ACOT9: variants seen among roughly 807,000 people sequenced by gnomAD.
ACOT9 encodes the protein acyl-coenzyme A thioesterase 9, mitochondrial.
Under a neutral mutation model 39.7 loss-of-function variants are expected in ACOT9, and 34 were observed. That is an observed-to-expected ratio of 0.86 (90% CI 0.65 to 1.14). The LOEUF (loss-of-function observed/expected upper bound fraction) is 1.14. ACOT9 is among the 50% of genes most tolerant of loss of function. The pLI is 0.00. For synonymous variants in ACOT9, 110 were observed against 120.5 expected, an observed-to-expected ratio of 0.91 and a Z score of 0.57; for missense variants, 313 against 344.1, an observed-to-expected ratio of 0.91 and a Z score of 0.71.
rs1929368666 is a variant in ACOT9 at position 23,722,834 on chromosome X, TG to T, written c.401-82del. The T allele has an allele frequency of 1.3e-5, 8 of 608,665 alleles. No homozygotes were observed. The East Asian group carries it at 2.8e-4, about 21-fold the overall frequency. The allele number at this position is 608,665 out of a possible 1,213,427, so 50.2% of individuals were successfully genotyped here. ...TTTAAAATTTCCTCCCTGAGATCCA[TG>T]AAAAGCCTTGTCTCGCTTGGAAGAT... On this transcript the variant is annotated intron_variant, in intron 6 of 15. Transcript: ENST00000379303.
Position 23,733,310 on chromosome X carries a change from T to C in ACOT9, c.146-93A>G, listed in dbSNP as rs1929822882. 14 of 763,463 alleles carry C rather than the reference T, an allele frequency of 1.8e-5. No individual in the cohort carries two copies. The South Asian group carries it at 1.9e-4, about 10-fold the overall frequency. 62.9% of individuals were successfully genotyped at this position (763,463 alleles called of 1,213,427 possible). A position where few individuals can be genotyped will look rare whatever the true frequency, so the allele number is the denominator to read the frequency against. On this transcript the variant is annotated intron_variant, in intron 3 of 15. Coordinates refer to ENST00000379303, the MANE Select transcript of ACOT9 (RefSeq NM_001037171.2). The stretch of plus-strand genomic sequence containing the variant: ...CTCAAGAACTACAAAAAGCAATTCA[T>C]GCACTCAAAAGATTTAAAGATCCAT...
At chrX:23,723,002 C>T (rs749565367) in intron 6 of ACOT9, among the ~76,000 whole-genome samples, 4 of 111,501 alleles carry the variant, frequency 3.6e-5, no homozygotes, top group African/African-American at 1.3e-4. Flanking sequence ...CAAGCCCAGA[C>T]CCACCAGACA....
At chrX:23,736,082 C>T (rs1340579601) in intron 1 of ACOT9, 66 bp from the exon 2 acceptor site, 2 of 923,711 alleles carry the variant, frequency 2.2e-6, no homozygotes, top group East Asian at 3.2e-5. Context: ...TAAAGACCTA[C>T]CCTCCTCCCA....
chrX:23,738,716 AC>A (rs1930030058), intron 1 of ACOT9, among the ~76,000 whole-genome samples: 2 of 111,419 alleles, frequency 1.8e-5, no homozygotes, highest in African/African-American at 6.5e-5. Flanking sequence ...AAAAATCATG[AC>A]CCCCAACACA....
Position 23,721,880 on chromosome X carries a change from C to A in ACOT9, c.588+1G>T, listed in dbSNP as rs200606078. On this transcript the variant is annotated splice_donor_variant, in intron 8 of 15. Coordinates refer to ENST00000379303, the MANE Select transcript of ACOT9 (RefSeq NM_001037171.2). LOFTEE classifies it high-confidence loss of function. ...TGGACAATCTTCAGGCGCATATTTA[C>A]CTGGAACATTTGCATCTTCACTTCC... 1 of 1,201,874 alleles carries A rather than the reference C, an allele frequency of 8.3e-7. No individual in the cohort carries two copies. Among genetic ancestry groups the A allele is most frequent in the East Asian group, 3.0e-5 (1 of 33,700 alleles).
intron 1 of ACOT9, among the ~76,000 whole-genome samples, chrX:23,739,730 G>A (rs1438953951): frequency 9.0e-6 from 1 of 110,638 alleles, no homozygotes; most frequent in African/African-American, 3.3e-5. Flanking sequence ...CGGGGAGGTC[G>A]AGGCTGCAGT....
At chrX:23,711,183 A>G (rs73626550) in intron 9 of ACOT9, among the ~76,000 whole-genome samples, 1,905 of 109,269 alleles carry the variant, frequency 0.017, 40 homozygotes, top group African/African-American at 0.059. Flanking sequence ...TTAGCCAAGC[A>G]TAATGGGGCA....
chrX:23,738,618 A>T (rs1930025032), intron 1 of ACOT9, among the ~76,000 whole-genome samples: 1 of 111,421 alleles, frequency 9.0e-6, no homozygotes, highest in Non-Finnish European at 1.9e-5. Flanking sequence ...AAAAGAAACT[A>T]GCATTCTACA....
chrX:23,711,626 A>G (rs1005248765), intron 9 of ACOT9, among the ~76,000 whole-genome samples: 1 of 112,153 alleles, frequency 8.9e-6, no homozygotes, highest in Non-Finnish European at 1.9e-5. Flanking sequence ...TCAGCAGTGG[A>G]CATTGAAAGC....
chrX:23,704,960 A>G (rs1928625180), intron 14 of ACOT9, 33 bp downstream of exon 14: 1 of 1,187,958 alleles, frequency 8.4e-7, no homozygotes, highest in Non-Finnish European at 1.1e-6. Context: ...ATGAAAAAAA[A>G]AAGTTGTATG....
Position 23,743,177 on chromosome X carries a change from C to T in ACOT9, c.-33G>A. 2 of 1,146,809 alleles carry T rather than the reference C, an allele frequency of 1.7e-6. No homozygotes were observed. The highest frequency in any genetic ancestry group is 2.0e-5 in the South Asian group (1 of 50,432). The allele number at this position is 1,146,809 out of a possible 1,213,427, so 94.5% of individuals were successfully genotyped here. On this transcript the variant is annotated 5_prime_UTR_variant, in exon 1 of 16. Coordinates refer to ENST00000379303, the MANE Select transcript of ACOT9 (RefSeq NM_001037171.2). ...GGCTGCCGTGCGCGCGATGGAGAAC[C>T]GGGCCCCGCGCGCTAGTCGGCGGAG...
chrX:23,734,703 A>C (rs1003750572), intron 2 of ACOT9, among the ~76,000 whole-genome samples: 1 of 111,366 alleles, frequency 9.0e-6, no homozygotes, highest in Non-Finnish European at 1.9e-5. Flanking sequence ...ACTTAGTCTT[A>C]TTTCTGATTT....
intron 9 of ACOT9, among the ~76,000 whole-genome samples, chrX:23,711,809 C>T (rs1029550525): frequency 9.0e-6 from 1 of 111,225 alleles, no homozygotes; most frequent in African/African-American, 3.3e-5. Context: ...ACAACCTGTA[C>T]CTCCTGATAC....
At chrX:23,726,156 C>T (rs994553887) in intron 6 of ACOT9, among the ~76,000 whole-genome samples, 10 of 110,139 alleles carry the variant, frequency 9.1e-5, no homozygotes, top group Admixed American at 4.9e-4. Context: ...GCTGAGATAG[C>T]GCCATTGCAC....
Position 23,705,772 on chromosome X carries a change from G to A in ACOT9, c.929C>T (p.Pro310Leu), listed in dbSNP as rs1285459105. ...SKLKSLEICH[P>L]QERNIFNRIF... ...TTTCTCACTAAATTATAATACCTGA[G>A]GGTGGCAAATTTCCAAACTCTTCAG... Residue 310 changes from proline (P) to leucine (L), a missense_variant, in exon 12 of 16, where the codon CCT becomes CTT. Coordinates refer to ENST00000379303, the MANE Select transcript of ACOT9 (RefSeq NM_001037171.2). 1 of 1,203,650 alleles carries A rather than the reference G, an allele frequency of 8.3e-7. No homozygotes were observed. The highest frequency in any genetic ancestry group is 1.7e-5 in the African/African-American group (1 of 57,174).
At chrX:23,707,545 T>TG (rs1472164734) in intron 10 of ACOT9, among the ~76,000 whole-genome samples, 1 of 110,924 alleles carries the variant, frequency 9.0e-6, no homozygotes, top group East Asian at 2.8e-4. Flanking sequence ...GAGACCATCC[T>TG]GGCCAAAATG....
intron 4 of ACOT9, among the ~76,000 whole-genome samples, chrX:23,732,926 A>G (rs191616642): frequency 1.4e-4 from 16 of 112,238 alleles, no homozygotes; most frequent in African/African-American, 5.2e-4. Context: ...GAATCAGTGA[A>G]GTAATATACA....
At chrX:23,721,590 A>G (rs909272899) in intron 8 of ACOT9, among the ~76,000 whole-genome samples, 2 of 112,074 alleles carry the variant, frequency 1.8e-5, no homozygotes, top group African/African-American at 6.5e-5. Flanking sequence ...CTCCTACCAT[A>G]ACACAGACTT....
At chrX:23,719,776 T>TA (rs1355412771) in intron 8 of ACOT9, among the ~76,000 whole-genome samples, 1 of 111,991 alleles carries the variant, frequency 8.9e-6, no homozygotes, top group Non-Finnish European at 1.9e-5. Flanking sequence ...TCCTGCTATG[T>TA]AGCCCATGGC....
Sources: gnomAD v4.1 joint callset for allele counts (sites outside exome capture counted in the v4.1 genomes callset) on GRCh38, gnomAD v4.1.1 for gene constraint, MANE v1.5 for transcripts, NCBI Gene and HGNC (gene_info 2026-07-23, HGNC 2026-07-21) for gene names.